Variants in GALR2 observed in about 807,000 individuals in gnomAD.
The protein encoded by GALR2 is galanin receptor type 2.
GALR2 carries 5 observed loss-of-function variants against 7.2 expected under a neutral mutation model. The observed-to-expected ratio is 0.69, with a 90% CI of 0.36 to 1.45. The LOEUF (loss-of-function observed/expected upper bound fraction) is 1.45. Ranked by LOEUF, GALR2 falls within the 40% of genes most tolerant of loss-of-function variation. GALR2 has a pLI of 0.03. For synonymous variants in GALR2, 300 were observed against 263.9 expected (o/e 1.14, Z -1.32); for missense variants, 561 against 555.7 (o/e 1.01, Z -0.10).
At position 76,077,259 on chromosome 17, in the gene GALR2, G is replaced by A. The variant is rs751413774; in HGVS notation, c.992G>A (p.Ser331Asn). Residue 331 changes from serine (S) to asparagine (N), a missense_variant, in exon 2 of 2, where the codon AGT (serine) becomes AAT (asparagine). Physicochemically the swap from Ser to Asn is conservative, Grantham distance 46. Coordinates refer to ENST00000329003, the MANE Select transcript of GALR2 (RefSeq NM_003857.4). The part of the protein sequence containing the change: ...RVCAAARGTH[S>N]GSVLERESSD... ...TGCGCTGCCGCGCGGGGCACCCACA[G>A]TGGCAGCGTGTTGGAGCGCGAGTCC... 4.4e-6 allele frequency: 7 copies of A among 1,603,598 alleles called. No individual in the cohort carries two copies. The South Asian group carries it at 7.7e-5, about 18-fold the overall frequency.
At position 76,077,511 on chromosome 17, in the gene GALR2, T is replaced by C. The variant is rs2066898190; in HGVS notation, c.*80T>C. 3 of 1,226,792 alleles carry C rather than the reference T, an allele frequency of 2.4e-6. No homozygotes were observed. 76.0% of individuals were successfully genotyped at this position (1,226,792 alleles called of 1,614,324 possible). A position where few individuals can be genotyped will look rare whatever the true frequency, so the allele number is the denominator to read the frequency against. On this transcript the variant is annotated 3_prime_UTR_variant, in exon 2 of 2. Transcript: ENST00000329003. ...CCGTGGGGAGAGCTTTGCCTGTTAATAAAACGCACAAACCATTTCACACAC... is the reference window on the plus strand; with the variant it reads ...CCGTGGGGAGAGCTTTGCCTGTTAACAAAACGCACAAACCATTTCACACAC...
chr17:76,074,532 G>T (rs2066878265), upstream of GALR2, among the ~76,000 whole-genome samples: 1 of 152,240 alleles, frequency 6.6e-6, no homozygotes, highest in South Asian at 2.1e-4. This position sits in a 1 kb window ranked among gnomAD's most constrained non-coding sequence, Gnocchi z 6.7. Flanking sequence ...CGTCTGCCGG[G>T]GAAGTCAGTC....
rs2066889741 is a variant in GALR2, at chr17:76,076,643, G to T, written c.376G>T (p.Ala126Ser). 5 of 1,580,438 alleles carry T rather than the reference G, an allele frequency of 3.2e-6. No homozygotes were observed. Among genetic ancestry groups the T allele is most frequent in the Non-Finnish European group, 4.3e-6 (5 of 1,167,814 alleles). The change falls in exon 2 of 2, where the codon GCC becomes TCC. Residue 126 changes from alanine (A) to serine (S), a missense_variant. Physicochemically the swap from Ala to Ser is moderately conservative, Grantham distance 99. Coordinates refer to ENST00000329003, the MANE Select transcript of GALR2 (RefSeq NM_003857.4). This position sits in a 1 kb window ranked among gnomAD's most constrained non-coding sequence, Gnocchi z 6.5. ...LAAVSLDRYL[A>S]IRYPLHSREL... The stretch of plus-strand genomic sequence containing the variant: ...TTCCCGGTCTGACCGCAGGTATCTG[G>T]CCATCCGCTACCCGCTGCACTCCCG...
chr17:76,074,966 T>C lies in GALR2; in HGVS notation c.83T>C (p.Val28Ala), dbSNP rs993909285. Residue 28 changes from valine (V) to alanine (A), a missense_variant, in exon 1 of 2, where the codon GTG (valine) becomes GCG (alanine). Coordinates refer to ENST00000329003, the MANE Select transcript of GALR2 (RefSeq NM_003857.4). This position sits in a 1 kb window ranked among gnomAD's most constrained non-coding sequence, Gnocchi z 6.7. ...GGCTGGCACCCCGAGGCGGTCATCG[T>C]GCCCCTGCTCTTCGCGCTCATCTTC... ...GGGWHPEAVI[V>A]PLLFALIFLV... 1.3e-6 allele frequency: 2 copies of C among 1,594,448 alleles called. No homozygotes were observed. Among genetic ancestry groups the C allele is most frequent in the African/African-American group, 2.7e-5 (2 of 74,608 alleles).
In GALR2 at chr17:76,076,974, G is replaced by T. The variant is rs373366919; in HGVS notation, c.707G>T (p.Arg236Leu). 9.3e-6 allele frequency: 15 copies of T among 1,606,766 alleles called. No individual in the cohort carries two copies. The African/African-American group carries it at 2.0e-4, about 21-fold the overall frequency. The change falls in exon 2 of 2, where the codon CGC becomes CTC. Residue 236 changes from arginine to leucine, a missense_variant. By Grantham distance (102) the Arg-to-Leu change is moderately radical. Transcript: ENST00000329003. This position sits in a 1 kb window ranked among gnomAD's most constrained non-coding sequence, Gnocchi z 6.5. Reference protein sequence around the residue: ...GARRAKRKVTRMILIVAALFC... With the variant: ...GARRAKRKVTLMILIVAALFC... ...CGGCGCGCCAAGCGCAAGGTGACACGCATGATCCTCATCGTGGCCGCGCTC... is the reference window on the plus strand; with the variant it reads ...CGGCGCGCCAAGCGCAAGGTGACACTCATGATCCTCATCGTGGCCGCGCTC...
upstream of GALR2, chr17:76,072,449 C>CGCCGCCGCCGCCACT (rs1399192863): frequency 9.2e-6 from 14 of 1,519,428 alleles, no homozygotes; most frequent in East Asian, 1.7e-4. This position sits in a 1 kb window ranked among gnomAD's most constrained non-coding sequence, Gnocchi z 4.5. Flanking sequence ...CCGCCACTGC[C>CGCCGCCGCCGCCACT]GCCGCCGCCG....
upstream of GALR2, chr17:76,072,512 C>A (rs1278604589): frequency 3.2e-6 from 5 of 1,577,484 alleles, no homozygotes; most frequent in Non-Finnish European, 3.4e-6. This position sits in a 1 kb window ranked among gnomAD's most constrained non-coding sequence, Gnocchi z 4.5. Context: ...CGCCGCAGAG[C>A]AAGACGGGAT....
Position 76,076,878 on chromosome 17 carries a change from G to A in GALR2, c.611G>A (p.Gly204Asp), listed in dbSNP as rs200847694. The A allele has an allele frequency of 1.2e-6, 2 of 1,603,606 alleles. No homozygotes were observed. The highest frequency in any genetic ancestry group is 2.7e-5 in the African/African-American group (2 of 75,016). Residue 204 changes from glycine to aspartate, a missense_variant, in exon 2 of 2, where the codon GGC (glycine) becomes GAC (aspartate). Coordinates refer to ENST00000329003, the MANE Select transcript of GALR2 (RefSeq NM_003857.4). This position sits in a 1 kb window ranked among gnomAD's most constrained non-coding sequence, Gnocchi z 6.5. The part of the protein sequence containing the change: ...FSYLLPVLVL[G>D]LTYARTLRYL... ...TACCTGCTTCCTGTGCTGGTTCTCG[G>A]CCTGACCTACGCGCGCACCTTGCGC...
At position 76,076,498 on chromosome 17, in the gene GALR2, C is replaced by T. The variant is rs1231227086; in HGVS notation, c.369-138C>T. The T allele has an allele frequency of 1.7e-5, 10 of 604,426 alleles. No individual in the cohort carries two copies. The highest frequency in any genetic ancestry group is 1.6e-4 in the Admixed American group (5 of 31,468). The allele number at this position is 604,426 out of a possible 1,614,324, so 37.4% of individuals were successfully genotyped here. ...CCGCCCTCACGCCGAGCCTCACCCC[C>T]ACCTCCTCTGTGTGCGGTGTAACCA... On this transcript the variant is annotated intron_variant, in intron 1 of 1. Coordinates refer to ENST00000329003, the MANE Select transcript of GALR2 (RefSeq NM_003857.4). The surrounding 1 kb of genome is among the most constrained non-coding windows in gnomAD (Gnocchi z 6.5).
chr17:76,074,314 G>A (rs1262223732), upstream of GALR2, among the ~76,000 whole-genome samples: 1 of 152,146 alleles, frequency 6.6e-6, no homozygotes, highest in Non-Finnish European at 1.5e-5. The surrounding 1 kb of genome is among the most constrained non-coding windows in gnomAD (Gnocchi z 6.7). Context: ...AGACTCCGGG[G>A]CCCCTCATCC....
chr17:76,075,305 G>A lies in GALR2; in HGVS notation c.368+54G>A. ...GATGGGCATCCACGCGGGGGATGGA[G>A]CGGGAGGCGGGACTGGGGACCAAGA... On this transcript the variant is annotated intron_variant, in intron 1 of 1. Coordinates refer to ENST00000329003, the MANE Select transcript of GALR2 (RefSeq NM_003857.4). The surrounding 1 kb of genome is among the most constrained non-coding windows in gnomAD (Gnocchi z 5.9). 1 of 1,551,380 alleles carries A rather than the reference G, an allele frequency of 6.4e-7. No homozygotes were observed. The highest frequency in any genetic ancestry group is 1.3e-5 in the African/African-American group (1 of 74,296).
At position 76,075,721 on chromosome 17, in the gene GALR2, G is replaced by A. The variant is rs895649241; in HGVS notation, c.368+470G>A. Among the ~76,000 whole-genome samples, 1 of 152,162 alleles carries A rather than the reference G, an allele frequency of 6.6e-6. No individual in the cohort carries two copies. The highest frequency in any genetic ancestry group is 1.5e-5 in the Non-Finnish European group (1 of 68,024). On this transcript the variant is annotated intron_variant, in intron 1 of 1. Coordinates refer to ENST00000329003, the MANE Select transcript of GALR2 (RefSeq NM_003857.4). The surrounding 1 kb of genome is among the most constrained non-coding windows in gnomAD (Gnocchi z 5.9). ...TCCACTGCGCTCGCCTCCAAGCCAC[G>A]GTTTGGTTGGTTGGTGCAGCTGGCT...
rs1012077951 is a variant in GALR2 at position 76,075,747 on chromosome 17, C to T, written c.368+496C>T. On this transcript the variant is annotated intron_variant, in intron 1 of 1. Coordinates refer to ENST00000329003, the MANE Select transcript of GALR2 (RefSeq NM_003857.4). This position sits in a 1 kb window ranked among gnomAD's most constrained non-coding sequence, Gnocchi z 5.9. ...GTTTGGTTGGTTGGTGCAGCTGGCT[C>T]AGGTCCAGGCTGTGGATCTTGGGTC... Among the ~76,000 whole-genome samples the T allele has an allele frequency of 1.3e-5, 2 of 152,150 alleles. No homozygotes were observed. The highest frequency in any genetic ancestry group is 2.9e-5 in the Non-Finnish European group (2 of 68,022).
chr17:76,072,231 C>A, upstream of GALR2: 1 of 1,596,542 alleles, frequency 6.3e-7, no homozygotes, highest in South Asian at 1.1e-5. This position sits in a 1 kb window ranked among gnomAD's most constrained non-coding sequence, Gnocchi z 4.5. Flanking sequence ...CTTGTCGGGA[C>A]CCGCCGCCTC....
rs983483961 is a variant in GALR2, at chr17:76,076,904, T to C, written c.637T>C (p.Tyr213His). The C allele has an allele frequency of 6.9e-6, 11 of 1,602,414 alleles. No homozygotes were observed. Among genetic ancestry groups the C allele is most frequent in the Non-Finnish European group, 9.3e-6 (11 of 1,178,754 alleles). ...CCTGACCTACGCGCGCACCTTGCGC[T>C]ACCTCTGGCGCGCCGTCGACCCGGT... ...LGLTYARTLR[Y>H]LWRAVDPVAA... The change falls in exon 2 of 2, where the codon TAC becomes CAC. Residue 213 changes from tyrosine to histidine, a missense_variant. Transcript: ENST00000329003. This position sits in a 1 kb window ranked among gnomAD's most constrained non-coding sequence, Gnocchi z 6.5.
In GALR2 at chr17:76,075,446, C is replaced by T. The variant is rs2066884159; in HGVS notation, c.368+195C>T. 6.6e-6 allele frequency among the ~76,000 whole-genome samples: 1 copy of T among 152,230 alleles called. No homozygotes were observed. Among genetic ancestry groups the T allele is most frequent in the Admixed American group, 6.5e-5 (1 of 15,282 alleles). On this transcript the variant is annotated intron_variant, in intron 1 of 1. Coordinates refer to ENST00000329003, the MANE Select transcript of GALR2 (RefSeq NM_003857.4). The surrounding 1 kb of genome is among the most constrained non-coding windows in gnomAD (Gnocchi z 5.9). The stretch of plus-strand genomic sequence containing the variant: ...GTGGTGTCCCTCGGTTAGATGCGTC[C>T]TGGGGCCTGGAAGCCTGGAGAATGT...
rs1438242121 is a variant in GALR2 at position 76,075,005 on chromosome 17, T to A, written c.122T>A (p.Val41Glu). 1 of 1,608,340 alleles carries A rather than the reference T, an allele frequency of 6.2e-7. No homozygotes were observed. The highest frequency in any genetic ancestry group is 8.5e-7 in the Non-Finnish European group (1 of 1,179,886). The change falls in exon 1 of 2, where the codon GTG becomes GAG. Residue 41 changes from valine to glutamate, a missense_variant. Coordinates refer to ENST00000329003, the MANE Select transcript of GALR2 (RefSeq NM_003857.4). This position sits in a 1 kb window ranked among gnomAD's most constrained non-coding sequence, Gnocchi z 5.9. ...GCGCTCATCTTCCTCGTGGGCACCG[T>A]GGGCAACACGCTGGTGCTGGCGGTG... ...LFALIFLVGT[V>E]GNTLVLAVLL...
In GALR2 at chr17:76,074,974, C is replaced by A. The variant is rs756868625; in HGVS notation, c.91C>A (p.Leu31Ile). The A allele has an allele frequency of 6.2e-7, 1 of 1,600,104 alleles. No individual in the cohort carries two copies. Among genetic ancestry groups the A allele is most frequent in the Middle Eastern group, 2.2e-4 (1 of 4,448 alleles). ...WHPEAVIVPL[L>I]FALIFLVGTV... ...CCCCGAGGCGGTCATCGTGCCCCTGCTCTTCGCGCTCATCTTCCTCGTGGG... is the reference window on the plus strand; with the variant it reads ...CCCCGAGGCGGTCATCGTGCCCCTGATCTTCGCGCTCATCTTCCTCGTGGG... Residue 31 changes from leucine (L) to isoleucine (I), a missense_variant, in exon 1 of 2, where the codon CTC (leucine) becomes ATC (isoleucine). Coordinates refer to ENST00000329003, the MANE Select transcript of GALR2 (RefSeq NM_003857.4). This position sits in a 1 kb window ranked among gnomAD's most constrained non-coding sequence, Gnocchi z 6.7.
Position 76,076,845 on chromosome 17 carries a change from T to A in GALR2, c.578T>A (p.Val193Asp). 1 of 1,605,096 alleles carries A rather than the reference T, an allele frequency of 6.2e-7. No individual in the cohort carries two copies. Residue 193 changes from valine (V) to aspartate (D), a missense_variant, in exon 2 of 2, where the codon GTC becomes GAC. Coordinates refer to ENST00000329003, the MANE Select transcript of GALR2 (RefSeq NM_003857.4). This position sits in a 1 kb window ranked among gnomAD's most constrained non-coding sequence, Gnocchi z 6.5. Reference protein sequence around the residue: ...RRRAMDICTFVFSYLLPVLVL... With the variant: ...RRRAMDICTFDFSYLLPVLVL... ...CGCGCCATGGACATCTGCACCTTCG[T>A]CTTCAGCTACCTGCTTCCTGTGCTG...
Sources: allele counts gnomAD v4.1 joint callset (sites outside exome capture counted in the v4.1 genomes callset), GRCh38; gene constraint gnomAD v4.1.1; non-coding constraint Gnocchi (gnomAD v3.1); transcripts MANE v1.5; gene names NCBI Gene and HGNC (gene_info 2026-07-23, HGNC 2026-07-21).